Variants in TRIM5 observed in about 807,000 individuals in gnomAD.
TRIM5 encodes the protein tripartite motif containing 5.
Under a neutral mutation model 35.6 loss-of-function variants are expected in TRIM5, and 31 were observed. The observed-to-expected ratio is 0.87, with a 90% confidence interval of 0.65 to 1.18. The LOEUF (loss-of-function observed/expected upper bound fraction) is 1.18. Ranked by LOEUF, TRIM5 falls within the 50% of genes most tolerant of loss-of-function variation. The pLI, the probability that TRIM5 is intolerant of heterozygous loss-of-function variation, is 0.00. For synonymous variants in TRIM5, 243 were observed against 215.6 expected, an observed-to-expected ratio of 1.13 and a Z score of -1.11; for missense variants, 609 against 591.6, an observed-to-expected ratio of 1.03 and a Z score of -0.31.
chr11:5,603,879 A>T, the TRIM5 span: 1 of 1,420,328 alleles, frequency 7.0e-7, no homozygotes, highest in Non-Finnish European at 9.3e-7. Context: ...TTAAGAATAG[A>T]TTCTTTATCA....
the TRIM5 span, among the ~76,000 whole-genome samples, chr11:5,629,864 C>A: frequency 6.6e-6 from 1 of 152,158 alleles, no homozygotes; most frequent in Admixed American, 6.5e-5. Context: ...CCCGCCGCCA[C>A]CCCTGGCTAA....
chr11:5,637,969 A>G, the TRIM5 span, among the ~76,000 whole-genome samples: 53 of 152,312 alleles, frequency 3.5e-4, no homozygotes, highest in East Asian at 9.8e-3. Context: ...ACCTGGAATT[A>G]CTCTTGCAAG....
chr11:5,603,715 G>A, the TRIM5 span: 32 of 1,613,392 alleles, frequency 2.0e-5, no homozygotes, highest in African/African-American at 4.0e-5. Context: ...CCTCGTGGAG[G>A]AGGTTGCCCA....
the TRIM5 span, among the ~76,000 whole-genome samples, chr11:5,622,945 A>G: frequency 1.3e-5 from 2 of 152,190 alleles, no homozygotes; most frequent in Admixed American, 6.5e-5. Context: ...ATCAATCAAT[A>G]TATGTCCGCA....
the TRIM5 span, chr11:5,634,530 C>CACACATATATATATATATATATATATAT: frequency 2.0e-5 from 4 of 203,872 alleles, no homozygotes; most frequent in African/African-American, 1.4e-4. Flanking sequence ...CACACACACA[C>CACACATATATATATATATATATATATAT]ATATATATAT....
At chr11:5,632,149 T>A in the TRIM5 span, 69 of 1,466,152 alleles carry the variant, frequency 4.7e-5, no homozygotes, top group Admixed American at 9.9e-5. Context: ...CTTCCTCATC[T>A]TCTTTGTTCT....
At chr11:5,650,758 G>A in the TRIM5 span, among the ~76,000 whole-genome samples, 625 of 152,292 alleles carry the variant, frequency 4.1e-3, 5 homozygotes, top group Admixed American at 0.024. Context: ...GCCAGGTAGG[G>A]TCACATAGTA....
chr11:5,651,195 C>A, the TRIM5 span, among the ~76,000 whole-genome samples: 1 of 152,198 alleles, frequency 6.6e-6, no homozygotes, highest in Non-Finnish European at 1.5e-5. Flanking sequence ...GGGATATTTC[C>A]ATACACCTCA....
chr11:5,633,146 CTTTTTTTT>C, the TRIM5 span, among the ~76,000 whole-genome samples: 1 of 106,820 alleles, frequency 9.4e-6, no homozygotes, highest in Non-Finnish European at 1.9e-5. Flanking sequence ...CCTTTTCTTT[CTTTTTTTT>C]TTTTTTTTTT....
the TRIM5 span, among the ~76,000 whole-genome samples, chr11:5,621,336 A>G: frequency 1.2e-3 from 179 of 152,310 alleles, 3 homozygotes; most frequent in South Asian, 0.035. Flanking sequence ...TGGTGTCTCT[A>G]GATAATTTCC....
At chr11:5,636,772 A>G in the TRIM5 span, among the ~76,000 whole-genome samples, 1 of 152,368 alleles carries the variant, frequency 6.6e-6, no homozygotes, top group South Asian at 2.1e-4. Context: ...TGTTAGCTTC[A>G]AAGAATGGCA....
chr11:5,591,818 G>T, the TRIM5 span, among the ~76,000 whole-genome samples: 1 of 152,306 alleles, frequency 6.6e-6, no homozygotes, highest in African/African-American at 2.4e-5. Context: ...CTACTCCTCA[G>T]TCTGAGCATT....
At chr11:5,675,760 T>A (rs570417622) in intron 4 of TRIM5, among the ~76,000 whole-genome samples, 16 of 148,682 alleles carry the variant, frequency 1.1e-4, no homozygotes, top group African/African-American at 3.5e-4. Context: ...TGCAGGTTAG[T>A]TACATATGTA....
At chr11:5,626,254 A>G in the TRIM5 span, among the ~76,000 whole-genome samples, 2 of 152,234 alleles carry the variant, frequency 1.3e-5, no homozygotes, top group South Asian at 2.1e-4. Context: ...TTAACATTCA[A>G]TAAATATGAA....
At chr11:5,671,488 G>A (rs1590244033) in intron 4 of TRIM5, among the ~76,000 whole-genome samples, 1 of 151,936 alleles carries the variant, frequency 6.6e-6, no homozygotes, top group Non-Finnish European at 1.5e-5. Context: ...AGATATGCTC[G>A]AGAGATAGAA....
the TRIM5 span, chr11:5,642,946 C>T: frequency 6.6e-7 from 1 of 1,504,902 alleles, no homozygotes; most frequent in South Asian, 1.2e-5. Context: ...TTCTCAGCAC[C>T]TCCCAAAACA....
At chr11:5,655,177 G>C in the TRIM5 span, among the ~76,000 whole-genome samples, 1 of 146,334 alleles carries the variant, frequency 6.8e-6, no homozygotes, top group Non-Finnish European at 1.5e-5. Context: ...TGGGCAACAA[G>C]AGCGAAACTC....
At chr11:5,679,653 C>T (rs1460338957) in intron 2 of TRIM5, 108 bp downstream of exon 2, 1 of 1,220,316 alleles carries the variant, frequency 8.2e-7, no homozygotes, top group Non-Finnish European at 1.1e-6. Context: ...AAAAATAATC[C>T]CGGGTCTCAG....
At chr11:5,625,721 A>T in the TRIM5 span, among the ~76,000 whole-genome samples, 1 of 146,174 alleles carries the variant, frequency 6.8e-6, no homozygotes, top group Non-Finnish European at 1.5e-5. Context: ...TGCAGGTCTC[A>T]GGGCTCTCCT....
Sources: gnomAD v4.1 joint callset for allele counts (sites outside exome capture counted in the v4.1 genomes callset) on GRCh38, gnomAD v4.1.1 for gene constraint, MANE v1.5 for transcripts, NCBI Gene and HGNC (gene_info 2026-07-23, HGNC 2026-07-21) for gene names.